The following ZNF22 variants were observed in gnomAD, a reference collection of about 807,000 sequenced individuals.
ZNF22 encodes zinc finger protein 22.
In ZNF22, 15 loss-of-function variants were observed where a neutral mutation model predicts 17.0. The ratio of observed to expected loss-of-function variants is 0.88; its 90% CI spans 0.59 to 1.36. The LOEUF (loss-of-function observed/expected upper bound fraction) is 1.36, where lower values mean the gene tolerates loss of function less well. Ranked by LOEUF, ZNF22 falls within the 40% of genes most tolerant of loss-of-function variation. ZNF22 has a pLI of 0.00. For missense variants in ZNF22, 272 were observed against 276.1 expected (o/e 0.98, Z 0.11); for synonymous variants, 84 against 90.7 (o/e 0.93, Z 0.42).
At position 45,000,989 on chromosome 10, in the gene ZNF22, T is replaced by C. The variant is rs951733169; in HGVS notation, c.-90+11T>C. 4.6e-5 allele frequency: 23 copies of C among 500,126 alleles called. No homozygotes were observed. Among genetic ancestry groups the C allele is most frequent in the South Asian group, 3.9e-4 (8 of 20,486 alleles). 31.0% of individuals were successfully genotyped at this position (500,126 alleles called of 1,614,324 possible). ...GGCTGGTCCCGCGCGGTGAGTGGGA[T>C]TGGGGCACTTGGGGCGCTCGGGGCC... On this transcript the variant is annotated intron_variant, in intron 1 of 1. Transcript: ENST00000298299.
chr10:45,003,508 G>T lies in ZNF22; in HGVS notation c.140G>T (p.Arg47Ile), dbSNP rs760446604. ...IRFDSSFSRL[R>I]RSLDDKPYKC... Reference sequence around the variant, plus strand: ...TTTGACTCAAGCTTCAGTAGACTCAGAAGAAGCTTGGATGACAAACCCTAT... The same window carrying T: ...TTTGACTCAAGCTTCAGTAGACTCATAAGAAGCTTGGATGACAAACCCTAT... Residue 47 changes from arginine to isoleucine, a missense_variant, in exon 2 of 2, where the codon AGA becomes ATA. Transcript: ENST00000298299. 1 of 1,614,136 alleles carries T rather than the reference G, an allele frequency of 6.2e-7. No homozygotes were observed. The highest frequency in any genetic ancestry group is 8.5e-7 in the Non-Finnish European group (1 of 1,180,052).
chr10:45,004,110 A>T lies in ZNF22; in HGVS notation c.*67A>T. On this transcript the variant is annotated 3_prime_UTR_variant, in exon 2 of 2. Coordinates refer to ENST00000298299, the MANE Select transcript of ZNF22 (RefSeq NM_006963.5). The stretch of plus-strand genomic sequence containing the variant: ...AAATAAAAAGTAAAAAATGAAAGGA[A>T]TCTTTTTTAGAAATAGAGATGCTTT... 6.8e-7 allele frequency: 1 copy of T among 1,468,790 alleles called. No homozygotes were observed. Among genetic ancestry groups the T allele is most frequent in the South Asian group, 1.4e-5 (1 of 71,984 alleles). 91.0% of individuals were successfully genotyped at this position (1,468,790 alleles called of 1,614,324 possible).
intron 1 of ZNF22, among the ~76,000 whole-genome samples, 191 bp downstream of exon 1, chr10:45,001,169 G>C (rs1458074367): frequency 1.3e-5 from 2 of 150,700 alleles, no homozygotes; most frequent in South Asian, 2.1e-4. Context: ...TGGGGCCGCG[G>C]CCTGCGCGGC....
chr10:45,003,993 C>G lies in ZNF22; in HGVS notation c.625C>G (p.Pro209Ala). The G allele has an allele frequency of 6.2e-7, 1 of 1,614,030 alleles. No homozygotes were observed. The highest frequency in any genetic ancestry group is 8.5e-7 in the Non-Finnish European group (1 of 1,179,990). Residue 209 changes from proline (P) to alanine (A), a missense_variant, in exon 2 of 2, where the codon CCC (proline) becomes GCC (alanine). By Grantham distance (27) the Pro-to-Ala change is conservative. Coordinates refer to ENST00000298299, the MANE Select transcript of ZNF22 (RefSeq NM_006963.5). ...GKNIRVKTHL[P>A]SWKAGTGRKS... is the part of the protein sequence containing the mutation. ...AAATATCAGGGTGAAGACTCACTTA[C>G]CCTCTTGGAAAGCTGGTACAGGAAG...
chr10:45,001,695 G>A (rs1842334538), intron 1 of ZNF22, among the ~76,000 whole-genome samples: 1 of 152,096 alleles, frequency 6.6e-6, no homozygotes, highest in Non-Finnish European at 1.5e-5. Context: ...AACTTAAAAC[G>A]GAAATAACTG....
chr10:45,004,791 G>A lies in ZNF22; in HGVS notation c.*748G>A, dbSNP rs1842361265. On this transcript the variant is annotated 3_prime_UTR_variant, in exon 2 of 2. Transcript: ENST00000298299. ...TATTCCTACTAATAGAGTTCTTTGT[G>A]ATGGTAACTGCTGTGTCGTTTGTTT... 1.2e-5 allele frequency: 2 copies of A among 167,028 alleles called. No homozygotes were observed. Among genetic ancestry groups the A allele is most frequent in the African/African-American group, 4.8e-5 (2 of 41,428 alleles). The allele number at this position is 167,028 out of a possible 1,614,324, so 10.3% of individuals were successfully genotyped here. A position where few individuals can be genotyped will look rare whatever the true frequency, so the allele number is the denominator to read the frequency against.
At chr10:45,001,065 G>T (rs1448508799) in intron 1 of ZNF22, 87 bp downstream of exon 1, 1 of 174,360 alleles carries the variant, frequency 5.7e-6, no homozygotes, top group South Asian at 1.9e-4. Flanking sequence ...CAACGAGGGC[G>T]GCGCGGGCCC....
rs555761301 is a variant in ZNF22 at position 45,004,343 on chromosome 10, AT to A, written c.*301del. The stretch of plus-strand genomic sequence containing the variant: ...ATTACTTCCATTTTCAAAAACCATC[AT>A]GTTTTGTAGATACATTTTGAGAAAA... On this transcript the variant is annotated 3_prime_UTR_variant, in exon 2 of 2. Transcript: ENST00000298299. 2 of 278,592 alleles carry A rather than the reference AT, an allele frequency of 7.2e-6. No individual in the cohort carries two copies. The highest frequency in any genetic ancestry group is 1.4e-5 in the Non-Finnish European group (2 of 140,846). The allele number at this position is 278,592 out of a possible 1,614,324, so 17.3% of individuals were successfully genotyped here.
At position 45,005,045 on chromosome 10, in the gene ZNF22, TCAA is replaced by T. The variant is rs1354308873; in HGVS notation, c.*1009_*1011del. ...TTGGATAGCCCTGCTTAAATGTTTG[TCAA>T]CAACAAGAGTCGTAATGTGTCAGTA... On this transcript the variant is annotated 3_prime_UTR_variant, in exon 2 of 2. Transcript: ENST00000298299. The T allele has an allele frequency of 1.2e-5, 2 of 166,958 alleles. No individual in the cohort carries two copies. Among genetic ancestry groups the T allele is most frequent in the Non-Finnish European group, 2.9e-5 (2 of 68,126 alleles). 10.3% of individuals were successfully genotyped at this position (166,958 alleles called of 1,614,324 possible). A position where few individuals can be genotyped will look rare whatever the true frequency, so the allele number is the denominator to read the frequency against.
chr10:45,001,648 C>T (rs891443364), intron 1 of ZNF22, among the ~76,000 whole-genome samples: 2 of 152,164 alleles, frequency 1.3e-5, no homozygotes, highest in Admixed American at 6.5e-5. Context: ...TCTGGGAACC[C>T]GGCCAGTGCC....
chr10:45,003,543 G>C lies in ZNF22; in HGVS notation c.175G>C (p.Glu59Gln), dbSNP rs754013283. The change falls in exon 2 of 2, where the codon GAA (glutamate) becomes CAA (glutamine). Residue 59 changes from glutamate to glutamine, a missense_variant. Glu to Gln is a conservative substitution (Grantham distance 29). Coordinates refer to ENST00000298299, the MANE Select transcript of ZNF22 (RefSeq NM_006963.5). ...GGATGACAAACCCTATAAATGTACT[G>C]AATGTGAAAAGAGTTTCAGTCAGAG... is the stretch of plus-strand genomic sequence containing the variant. ...SLDDKPYKCT[E>Q]CEKSFSQSST... The C allele has an allele frequency of 1.2e-6, 2 of 1,614,088 alleles. No homozygotes were observed. Among genetic ancestry groups the C allele is most frequent in the African/African-American group, 2.7e-5 (2 of 74,936 alleles).
Position 45,003,352 on chromosome 10 carries a change from A to G in ZNF22, c.-17A>G, listed in dbSNP as rs1842348599. The G allele has an allele frequency of 6.4e-7, 1 of 1,565,328 alleles. No homozygotes were observed. Among genetic ancestry groups the G allele is most frequent in the Admixed American group, 2.0e-5 (1 of 49,678 alleles). ...GAAGCCTGTAAACTCTCTTACAAAT[A>G]CATTTGGTTATTCACCATGAGGTTA... On this transcript the variant is annotated 5_prime_UTR_variant, in exon 2 of 2. The change creates a new upstream start codon in the 5' untranslated region. Transcript: ENST00000298299.
Position 45,003,477 on chromosome 10 carries a change from A to T in ZNF22, c.109A>T (p.Ile37Phe). ...GCAGCGGCAGAAGTGGGGCATGACT[A>T]TTCGATTTGACTCAAGCTTCAGTAG... ...GRQRQKWGMTIRFDSSFSRLR... is the reference protein window; with the variant it reads ...GRQRQKWGMTFRFDSSFSRLR... The change falls in exon 2 of 2, where the codon ATT becomes TTT. Residue 37 changes from isoleucine to phenylalanine, a missense_variant. Ile to Phe is a conservative substitution (Grantham distance 21). Coordinates refer to ENST00000298299, the MANE Select transcript of ZNF22 (RefSeq NM_006963.5). 1 of 1,614,278 alleles carries T rather than the reference A, an allele frequency of 6.2e-7. No individual in the cohort carries two copies. The highest frequency in any genetic ancestry group is 8.5e-7 in the Non-Finnish European group (1 of 1,180,052).
chr10:45,001,743 A>G (rs888068371), intron 1 of ZNF22, among the ~76,000 whole-genome samples: 59 of 152,176 alleles, frequency 3.9e-4, no homozygotes, highest in African/African-American at 1.1e-3. Context: ...CTAGCACAGA[A>G]TCAAGTTACA....
In ZNF22 at chr10:45,003,456, C is replaced by A. The variant is rs544510753; in HGVS notation, c.88C>A (p.Arg30=). 6.2e-7 allele frequency: 1 copy of A among 1,614,222 alleles called. No individual in the cohort carries two copies. The highest frequency in any genetic ancestry group is 2.2e-5 in the East Asian group (1 of 44,888). Residue 30 remains arginine, a synonymous_variant, in exon 2 of 2, where the codon CGG becomes AGG. Coordinates refer to ENST00000298299, the MANE Select transcript of ZNF22 (RefSeq NM_006963.5). ...GAACAAGCGCAAAACAGGCCGGCAGCGGCAGAAGTGGGGCATGACTATTCG... is the reference window on the plus strand; with the variant it reads ...GAACAAGCGCAAAACAGGCCGGCAGAGGCAGAAGTGGGGCATGACTATTCG... The part of the protein sequence containing the change: ...YENKRKTGRQ[R]QKWGMTIRFD...
chr10:45,003,438 C>T lies in ZNF22; in HGVS notation c.70C>T (p.Arg24Cys). The change falls in exon 2 of 2, where the codon CGC (arginine) becomes TGC (cysteine). Residue 24 changes from arginine to cysteine, a missense_variant. Arg to Cys is a radical substitution (Grantham distance 180, BLOSUM62 -3). Transcript: ENST00000298299. Reference protein sequence around the residue: ...SSQGKAYENKRKTGRQRQKWG... With the variant: ...SSQGKAYENKCKTGRQRQKWG... ...CCAAGGAAAGGCCTATGAGAACAAG[C>T]GCAAAACAGGCCGGCAGCGGCAGAA... 2 of 1,614,174 alleles carry T rather than the reference C, an allele frequency of 1.2e-6. No individual in the cohort carries two copies. The highest frequency in any genetic ancestry group is 2.2e-5 in the South Asian group (2 of 91,072).
Position 45,004,012 on chromosome 10 carries a change from C to A in ZNF22, c.644C>A (p.Thr215Lys). The A allele has an allele frequency of 6.2e-7, 1 of 1,613,262 alleles. No homozygotes were observed. The highest frequency in any genetic ancestry group is 8.5e-7 in the Non-Finnish European group (1 of 1,179,486). Residue 215 changes from threonine to lysine, a missense_variant, in exon 2 of 2, where the codon ACA becomes AAA. By Grantham distance (78) the Thr-to-Lys change is moderately conservative. Coordinates refer to ENST00000298299, the MANE Select transcript of ZNF22 (RefSeq NM_006963.5). ...KTHLPSWKAG[T>K]GRKSVAGLR ...CACTTACCCTCTTGGAAAGCTGGTA[C>A]AGGAAGGAAGTCTGTGGCTGGTCTC...
In ZNF22 at chr10:45,003,537, T is replaced by G; in HGVS notation, c.169T>G (p.Cys57Gly). 2 of 1,614,224 alleles carry G rather than the reference T, an allele frequency of 1.2e-6. No homozygotes were observed. Among genetic ancestry groups the G allele is most frequent in the Non-Finnish European group, 1.7e-6 (2 of 1,180,018 alleles). The change falls in exon 2 of 2, where the codon TGT (cysteine) becomes GGT (glycine). Residue 57 changes from cysteine (C) to glycine (G), a missense_variant. Cys to Gly is a radical substitution (Grantham distance 159). Coordinates refer to ENST00000298299, the MANE Select transcript of ZNF22 (RefSeq NM_006963.5). The stretch of plus-strand genomic sequence containing the variant: ...AAGCTTGGATGACAAACCCTATAAA[T>G]GTACTGAATGTGAAAAGAGTTTCAG... ...RRSLDDKPYKCTECEKSFSQS... is the reference protein window; with the variant it reads ...RRSLDDKPYKGTECEKSFSQS...
At position 45,004,211 on chromosome 10, in the gene ZNF22, A is replaced by G. The variant is rs757212983; in HGVS notation, c.*168A>G. On this transcript the variant is annotated 3_prime_UTR_variant, in exon 2 of 2. Coordinates refer to ENST00000298299, the MANE Select transcript of ZNF22 (RefSeq NM_006963.5). Reference sequence around the variant, plus strand: ...AATTTAATGACATTATTGAGCTGAAAGAAATTACATGAGTCCAGCTACCCT... The same window carrying G: ...AATTTAATGACATTATTGAGCTGAAGGAAATTACATGAGTCCAGCTACCCT... The G allele has an allele frequency of 4.0e-5, 29 of 729,496 alleles. No individual in the cohort carries two copies. The African/African-American group carries it at 4.9e-4, about 12-fold the overall frequency. 45.2% of individuals were successfully genotyped at this position (729,496 alleles called of 1,614,324 possible).
Sources: gnomAD v4.1 joint callset for allele counts (sites outside exome capture counted in the v4.1 genomes callset) on GRCh38, gnomAD v4.1.1 for gene constraint, MANE v1.5 for transcripts, NCBI Gene and HGNC (gene_info 2026-07-23, HGNC 2026-07-21) for gene names.